GPC5: variants seen among roughly 807,000 people sequenced by gnomAD.
The protein encoded by GPC5 is glypican 5.
In GPC5, 47 loss-of-function variants were observed where a neutral mutation model predicts 53.9. The observed-to-expected ratio is 0.87, with a 90% CI of 0.69 to 1.11. The LOEUF is 1.11. Ranked by LOEUF, GPC5 falls within the 50% of genes most tolerant of loss-of-function variation. The probability of loss-of-function intolerance (pLI) is 0.00; values close to 1 mark genes in which losing one functional copy is unlikely to be tolerated. For synonymous variants in GPC5, 286 were observed against 263.3 expected (o/e 1.09, Z -0.84); for missense variants, 748 against 713.1 (o/e 1.05, Z -0.56).
intron 7 of GPC5, among the ~76,000 whole-genome samples, chr13:92,616,931 A>G (rs568689784): frequency 2.6e-5 from 4 of 152,222 alleles, no homozygotes; most frequent in Admixed American, 6.5e-5. Context: ...TCATAAAAAT[A>G]AGGAAAAAAT....
At chr13:92,451,495 A>T (rs1328819902) in intron 7 of GPC5, among the ~76,000 whole-genome samples, 1 of 152,092 alleles carries the variant, frequency 6.6e-6, no homozygotes, top group Non-Finnish European at 1.5e-5. Flanking sequence ...TAAAAAAAAA[A>T]CACCGAAATA....
chr13:92,129,207 A>G (rs1364161429), intron 6 of GPC5, among the ~76,000 whole-genome samples: 1 of 152,228 alleles, frequency 6.6e-6, no homozygotes, highest in Non-Finnish European at 1.5e-5. Flanking sequence ...GAGACTAATG[A>G]CTAATGAAGT....
At chr13:92,247,881 T>A (rs972829612) in intron 7 of GPC5, among the ~76,000 whole-genome samples, 1 of 152,164 alleles carries the variant, frequency 6.6e-6, no homozygotes, top group Non-Finnish European at 1.5e-5. Flanking sequence ...ATGTGACTTA[T>A]TTTAACCTGA....
rs147685128 is a variant in GPC5 at position 91,448,785 on chromosome 13, C to A, written c.188C>A (p.Ser63Tyr). ...GGACCTGATCTTCAGGTTTGCATAT[C>A]CAAAAAGCCTACATGTTGCACCAGG... The part of the protein sequence containing the change: ...RAGPDLQVCI[S>Y]KKPTCCTRKM... Residue 63 changes from serine (S) to tyrosine (Y), a missense_variant, in exon 2 of 8, where the codon TCC (serine) becomes TAC (tyrosine). Transcript: ENST00000377067. 6.2e-7 allele frequency: 1 copy of A among 1,613,086 alleles called. No individual in the cohort carries two copies. Among genetic ancestry groups the A allele is most frequent in the East Asian group, 2.2e-5 (1 of 44,866 alleles).
At chr13:92,354,385 CAT>C (rs772450371) in intron 7 of GPC5, among the ~76,000 whole-genome samples, 18 of 152,124 alleles carry the variant, frequency 1.2e-4, no homozygotes, top group Non-Finnish European at 2.9e-5. Flanking sequence ...CTCCTTTTCC[CAT>C]GTTATCAGTT....
chr13:92,070,866 A>G (rs1255145917), intron 6 of GPC5, among the ~76,000 whole-genome samples: 1 of 152,138 alleles, frequency 6.6e-6, no homozygotes, highest in Non-Finnish European at 1.5e-5. Context: ...TTTATCACAT[A>G]TCTTGCAAAA....
chr13:92,307,336 C>T (rs1273884414), intron 7 of GPC5, among the ~76,000 whole-genome samples: 1 of 152,180 alleles, frequency 6.6e-6, no homozygotes, highest in African/African-American at 2.4e-5. Flanking sequence ...CGTCTGTAAT[C>T]CCAGCTACTC....
chr13:92,211,206 G>A (rs550507345), intron 7 of GPC5, among the ~76,000 whole-genome samples: 28 of 152,266 alleles, frequency 1.8e-4, no homozygotes, highest in Non-Finnish European at 3.7e-4. Context: ...GGAAGGAAAG[G>A]ATATCTATTG....
At chr13:91,753,499 A>C (rs1394768260) in intron 4 of GPC5, among the ~76,000 whole-genome samples, 2 of 152,120 alleles carry the variant, frequency 1.3e-5, no homozygotes, top group African/African-American at 4.8e-5. Context: ...GCTCCTTCTC[A>C]CATCCTCAGG....
At chr13:91,614,779 A>G (rs1326443391) in intron 2 of GPC5, among the ~76,000 whole-genome samples, 1 of 152,186 alleles carries the variant, frequency 6.6e-6, no homozygotes, top group African/African-American at 2.4e-5. Flanking sequence ...GCTTTCACCG[A>G]TGTTTATAAT....
chr13:91,820,591 T>C lies in GPC5; in HGVS notation c.1280+64171T>C, dbSNP rs182949954. 2.7e-3 allele frequency among the ~76,000 whole-genome samples: 413 copies of C among 152,312 alleles called. 3 individuals are homozygous for C. The highest frequency in any genetic ancestry group is 9.4e-3 in the African/African-American group (391 of 41,568). ...GTTCCTTTTGTGTATGGGCTTGTCA[T>C]TGTGCTACTACCATAGTTTGCTAAT... On this transcript the variant is annotated intron_variant, in intron 5 of 7. Coordinates refer to ENST00000377067, the MANE Select transcript of GPC5 (RefSeq NM_004466.6).
In GPC5 at chr13:92,385,489, C is replaced by T. The variant is rs796115683; in HGVS notation, c.1561+240500C>T. Among the ~76,000 whole-genome samples, 32 of 129,746 alleles carry T rather than the reference C, an allele frequency of 2.5e-4. 2 individuals are homozygous for T. The highest frequency in any genetic ancestry group is 4.6e-4 in the East Asian group (2 of 4,372). 85.1% of individuals were successfully genotyped at this position (129,746 alleles called of 152,430 possible). On this transcript the variant is annotated intron_variant, in intron 7 of 7. Transcript: ENST00000377067. ...ATATATACATATATACATATATACACATATATACATACATATACATATATA... is the reference window on the plus strand; with the variant it reads ...ATATATACATATATACATATATACATATATATACATACATATACATATATA...
At chr13:92,860,055 C>G (rs1879129159) in intron 7 of GPC5, among the ~76,000 whole-genome samples, 1 of 152,034 alleles carries the variant, frequency 6.6e-6, no homozygotes, top group Admixed American at 6.6e-5. Flanking sequence ...TTACTCAGAG[C>G]TATAATTTCA....
chr13:92,733,306 A>G (rs767359757), intron 7 of GPC5, among the ~76,000 whole-genome samples: 23 of 151,688 alleles, frequency 1.5e-4, no homozygotes, highest in Non-Finnish European at 3.2e-4. Flanking sequence ...GCCTTATTAG[A>G]TTAGATTTTG....
intron 6 of GPC5, among the ~76,000 whole-genome samples, chr13:92,119,613 G>T (rs868678484): frequency 2.3e-5 from 3 of 132,556 alleles, no homozygotes; most frequent in African/African-American, 8.6e-5. Context: ...GTAGAGACGG[G>T]GTTTCACCAT....
chr13:92,416,323 G>A (rs1876288136), intron 7 of GPC5, among the ~76,000 whole-genome samples: 1 of 152,136 alleles, frequency 6.6e-6, no homozygotes, highest in Non-Finnish European at 1.5e-5. Flanking sequence ...GTGTAAGAAG[G>A]GATCTGGAAA....
Position 91,652,220 on chromosome 13 carries a change from C to G in GPC5, c.326-40967C>G, listed in dbSNP as rs551708184. On this transcript the variant is annotated intron_variant, in intron 2 of 7. Transcript: ENST00000377067. Reference sequence around the variant, plus strand: ...TAATGTCTTTTCCATCTTAAATAAGCGTTCACCATGCTCTGTGGCTATACC... The same window carrying G: ...TAATGTCTTTTCCATCTTAAATAAGGGTTCACCATGCTCTGTGGCTATACC... Among the ~76,000 whole-genome samples, 174 of 152,290 alleles carry G rather than the reference C, an allele frequency of 1.1e-3. 1 individual carries two copies. The highest frequency in any genetic ancestry group is 3.7e-3 in the Admixed American group (57 of 15,298).
intron 5 of GPC5, among the ~76,000 whole-genome samples, chr13:91,880,159 G>A (rs2039248706): frequency 6.6e-6 from 1 of 151,816 alleles, no homozygotes. Flanking sequence ...ATTGATACAT[G>A]CAACCTATTT....
chr13:91,555,179 A>G (rs968678784), intron 2 of GPC5, among the ~76,000 whole-genome samples: 7 of 152,086 alleles, frequency 4.6e-5, no homozygotes, highest in African/African-American at 1.4e-4. Context: ...AGAATACAGT[A>G]TCACCACCAG....
Sources: gnomAD v4.1 joint callset for allele counts (sites outside exome capture counted in the v4.1 genomes callset) on GRCh38, gnomAD v4.1.1 for gene constraint, MANE v1.5 for transcripts, NCBI Gene and HGNC (gene_info 2026-07-23, HGNC 2026-07-21) for gene names.